Variants in EXOSC10 observed in about 807,000 individuals in gnomAD.
The protein encoded by EXOSC10 is exosome component 10.
EXOSC10 carries 94 observed loss-of-function variants against 126.6 expected under a neutral mutation model. That is an observed-to-expected ratio of 0.74 (90% confidence interval 0.63 to 0.88). The LOEUF (loss-of-function observed/expected upper bound fraction) is 0.88, where lower values mean the gene tolerates loss of function less well. Ranked by LOEUF, EXOSC10 falls within the 40% of genes least tolerant of loss-of-function variation. EXOSC10 has a pLI of 0.00. For synonymous variants in EXOSC10, 395 were observed against 400.8 expected, an observed-to-expected ratio of 0.99 and a Z score of 0.17; for missense variants, 1,041 against 1,100.5, an observed-to-expected ratio of 0.95 and a Z score of 0.77.
chr1:11,090,479 A>G lies in EXOSC10; in HGVS notation c.758+75T>C, dbSNP rs142401096. ...TACTCCTCAGATTGTTTTCATGTATATACTCCACAAAAGTGAAAATGTGGC... is the reference window on the plus strand; with the variant it reads ...TACTCCTCAGATTGTTTTCATGTATGTACTCCACAAAAGTGAAAATGTGGC... On this transcript the variant is annotated intron_variant, in intron 6 of 24. Transcript: ENST00000376936. The G allele has an allele frequency of 4.7e-4, 546 of 1,173,578 alleles. No homozygotes were observed. The African/African-American group carries it at 7.6e-3, about 16-fold the overall frequency. The allele number at this position is 1,173,578 out of a possible 1,614,324, so 72.7% of individuals were successfully genotyped here. A position where few individuals can be genotyped will look rare whatever the true frequency, so the allele number is the denominator to read the frequency against.
At chr1:11,071,226 G>C (rs906174225) in intron 20 of EXOSC10, 1 of 494,246 alleles carries the variant, frequency 2.0e-6, no homozygotes, top group African/African-American at 1.9e-5. Flanking sequence ...GAACCTAAAT[G>C]CTCAGTGGCC....
Position 11,096,755 on chromosome 1 carries a change from A to G in EXOSC10, c.249-874T>C, listed in dbSNP as rs55796015. Among the ~76,000 whole-genome samples the G allele has an allele frequency of 2.9e-3, 448 of 152,260 alleles. 2 individuals are homozygous for G. Among genetic ancestry groups the G allele is most frequent in the Middle Eastern group, 6.8e-3 (2 of 294 alleles). On this transcript the variant is annotated intron_variant, in intron 2 of 24. Transcript: ENST00000376936. The stretch of plus-strand genomic sequence containing the variant: ...TTGCCTCCCAAAGCACTAGGATTAC[A>G]GGCATGAGCCGCCATGTCTGGCCCC...
At chr1:11,079,150 T>C (rs1385821744) in intron 14 of EXOSC10, among the ~76,000 whole-genome samples, 1 of 151,428 alleles carries the variant, frequency 6.6e-6, no homozygotes, top group Non-Finnish European at 1.5e-5. Flanking sequence ...GCCAACATGG[T>C]GAAACCCCGC....
Position 11,080,787 on chromosome 1 carries a change from A to G in EXOSC10, c.1563T>C (p.Ala521=). 1.2e-6 allele frequency: 2 copies of G among 1,614,158 alleles called. No individual in the cohort carries two copies. Among genetic ancestry groups the G allele is most frequent in the Non-Finnish European group, 8.5e-7 (1 of 1,180,026 alleles). Residue 521 remains alanine, a synonymous_variant, in exon 12 of 25, where the codon GCT becomes GCC. Transcript: ENST00000376936. ...ACCCGTAACTTTCATCTTCCCTGCGAGCTGTTTTATCCCTCCAGGCAAACA... is the reference window on the plus strand; with the variant it reads ...ACCCGTAACTTTCATCTTCCCTGCGGGCTGTTTTATCCCTCCAGGCAAACA... ...QLLFAWRDKT[A]RREDESYGYV...
intron 6 of EXOSC10, among the ~76,000 whole-genome samples, chr1:11,090,276 G>A (rs529562420): frequency 7.9e-5 from 12 of 152,296 alleles, no homozygotes; most frequent in Non-Finnish European, 1.5e-4. Context: ...GGGATTACAG[G>A]CGTAAGCCAC....
intron 2 of EXOSC10, 68 bp from the exon 3 acceptor site, chr1:11,095,949 A>C: frequency 6.4e-7 from 1 of 1,557,724 alleles, no homozygotes; most frequent in South Asian, 1.1e-5. Context: ...TGTGAGAGAG[A>C]ATGTTCAAAT....
intron 9 of EXOSC10, among the ~76,000 whole-genome samples, chr1:11,084,133 G>A (rs954997996): frequency 6.6e-6 from 1 of 152,132 alleles, no homozygotes; most frequent in East Asian, 1.9e-4. Context: ...AGCCCTTTGG[G>A]TATATACCAA....
intron 10 of EXOSC10, among the ~76,000 whole-genome samples, chr1:11,081,499 T>G (rs1640166408): frequency 6.6e-6 from 1 of 152,178 alleles, no homozygotes; most frequent in African/African-American, 2.4e-5. Flanking sequence ...CAAGAGGCAG[T>G]AGAAAAGGGG....
rs753713314 is a variant in EXOSC10 at position 11,068,665 on chromosome 1, T to C, written c.2530A>G (p.Lys844Glu). ...CTTACCTTGCCAGACGGGGTCTGTT[T>C]ATTTGGATCAAACTGAGAAGAAACT... ...SKVSSQFDPN[K>E]QTPSGKKCIA... Residue 844 changes from lysine (K) to glutamate (E), a missense_variant, in exon 23 of 25, where the codon AAA becomes GAA. This residue lies in a region of EXOSC10 where 388 missense variants were observed against 415.2 expected (regional missense o/e 0.93). Coordinates refer to ENST00000376936, the MANE Select transcript of EXOSC10 (RefSeq NM_001001998.3). The C allele has an allele frequency of 6.2e-7, 1 of 1,614,184 alleles. No individual in the cohort carries two copies. Among genetic ancestry groups the C allele is most frequent in the South Asian group, 1.1e-5 (1 of 91,088 alleles).
chr1:11,076,490 G>A lies in EXOSC10; in HGVS notation c.1986+352C>T, dbSNP rs183257312. ...CCCCTGCTGGGCATCCAGGTGAACC[G>A]TTTTTCCTCCACCACCACTGCAGCT... On this transcript the variant is annotated intron_variant, in intron 17 of 24. Transcript: ENST00000376936. Among the ~76,000 whole-genome samples the A allele has an allele frequency of 4.3e-3, 653 of 152,320 alleles. 6 individuals carry two copies. Among genetic ancestry groups the A allele is most frequent in the African/African-American group, 0.015 (614 of 41,566 alleles).
Position 11,077,656 on chromosome 1 carries a change from G to C in EXOSC10, c.1750-5C>G, listed in dbSNP as rs1205972664. 3.7e-6 allele frequency: 6 copies of C among 1,601,704 alleles called. No individual in the cohort carries two copies. Among genetic ancestry groups the C allele is most frequent in the Non-Finnish European group, 5.1e-6 (6 of 1,172,080 alleles). On this transcript the variant is annotated splice_polypyrimidine_tract_variant and splice_region_variant and intron_variant, in intron 14 of 24. Transcript: ENST00000376936. The stretch of plus-strand genomic sequence containing the variant: ...CACTCCGGCTGCAACTTCAGACTAA[G>C]GAAAAAAACGAAGGGAATTGAGGAA...
intron 23 of EXOSC10, 41 bp downstream of exon 23, chr1:11,068,604 G>A (rs1639251976): frequency 6.5e-7 from 1 of 1,532,984 alleles, no homozygotes; most frequent in African/African-American, 1.4e-5. Flanking sequence ...TCAGAAACAG[G>A]CGCCACCAGC....
intron 9 of EXOSC10, 28 bp from the exon 10 acceptor site, chr1:11,082,906 A>ACACTGG: frequency 1.3e-6 from 2 of 1,578,846 alleles, no homozygotes. Context: ...GTCATGCAGT[A>ACACTGG]CACTGGTAGC....
intron 13 of EXOSC10, 105 bp downstream of exon 13, chr1:11,080,392 ATC>A: frequency 7.3e-7 from 1 of 1,362,502 alleles, no homozygotes; most frequent in Non-Finnish European, 1.0e-6. Flanking sequence ...TGGAGCATTA[ATC>A]TCTGAGTAAG....
chr1:11,074,282 T>C lies in EXOSC10; in HGVS notation c.2031A>G (p.Ala677=). 1 of 1,614,180 alleles carries C rather than the reference T, an allele frequency of 6.2e-7. No individual in the cohort carries two copies. Among genetic ancestry groups the C allele is most frequent in the East Asian group, 2.2e-5 (1 of 44,888 alleles). ...EDSKKGPLTV[A]QKKAQNIMES... The stretch of plus-strand genomic sequence containing the variant: ...CCATGATGTTCTGGGCTTTTTTCTG[T>C]GCAACTGTCAATGGACCCTTTTTAC... Residue 677 remains alanine, a synonymous_variant, in exon 18 of 25, where the codon GCA becomes GCG. Coordinates refer to ENST00000376936, the MANE Select transcript of EXOSC10 (RefSeq NM_001001998.3).
intron 12 of EXOSC10, 37 bp from the exon 13 acceptor site, chr1:11,080,586 A>G (rs1276067507): frequency 7.5e-6 from 12 of 1,604,262 alleles, no homozygotes; most frequent in Non-Finnish European, 1.0e-5. Flanking sequence ...ACACACACAC[A>G]CACACACACA....
At chr1:11,082,972 T>C (rs543693959) in intron 9 of EXOSC10, 94 bp from the exon 10 acceptor site, 151 of 1,006,498 alleles carry the variant, frequency 1.5e-4, no homozygotes, top group Middle Eastern at 9.6e-4. Context: ...ACACTGAAAT[T>C]AGAAGGTAGT....
At chr1:11,085,629 T>C (rs564089633) in intron 9 of EXOSC10, among the ~76,000 whole-genome samples, 3 of 152,278 alleles carry the variant, frequency 2.0e-5, no homozygotes, top group African/African-American at 4.8e-5. Flanking sequence ...TCCTGCCTGA[T>C]TGCCCTGGCC....
At chr1:11,074,126 G>C in intron 18 of EXOSC10, 105 bp downstream of exon 18, 32 of 1,375,868 alleles carry the variant, frequency 2.3e-5, no homozygotes, top group Non-Finnish European at 3.2e-5. Flanking sequence ...CAGGACACCA[G>C]GGCAGCCGAC....
Sources: allele counts gnomAD v4.1 joint callset (sites outside exome capture counted in the v4.1 genomes callset), GRCh38; gene constraint gnomAD v4.1.1; regional missense constraint gnomAD v4.1.1; transcripts MANE v1.5; gene names NCBI Gene and HGNC (gene_info 2026-07-23, HGNC 2026-07-21).